Variants in NID1 observed in about 807,000 individuals in gnomAD.
NID1 encodes the protein nidogen-1.
A neutral mutation model predicts 130.6 loss-of-function variants in NID1; 76 were observed. The observed-to-expected ratio is 0.58, with a 90% confidence interval of 0.48 to 0.70. The LOEUF (loss-of-function observed/expected upper bound fraction) is 0.70, where lower values mean the gene tolerates loss of function less well. Ranked by LOEUF, NID1 falls within the 30% of genes least tolerant of loss-of-function variation. The probability of loss-of-function intolerance (pLI) is 0.00; values close to 1 mark genes in which losing one functional copy is unlikely to be tolerated. For synonymous variants in NID1, 665 were observed against 675.1 expected (o/e 0.98, Z 0.23); for missense variants, 1,517 against 1,664.8 (o/e 0.91, Z 1.54).
intron 1 of NID1, among the ~76,000 whole-genome samples, chr1:236,058,164 G>T (rs545903079): frequency 1.2e-4 from 19 of 152,260 alleles, no homozygotes; most frequent in African/African-American, 3.6e-4. Flanking sequence ...GCATTAAGGA[G>T]TAAAAACTTG....
chr1:235,983,050 T>G (rs1295857703), intron 15 of NID1, among the ~76,000 whole-genome samples: 1 of 152,170 alleles, frequency 6.6e-6, no homozygotes, highest in Admixed American at 6.5e-5. Context: ...AATTTTTGTA[T>G]TTTTAGTAGA....
chr1:236,000,769 T>G (rs544464346), intron 12 of NID1, among the ~76,000 whole-genome samples: 1 of 152,346 alleles, frequency 6.6e-6, no homozygotes, highest in East Asian at 1.9e-4. Flanking sequence ...TTCCCTTGCT[T>G]GATTAAATTG....
At chr1:236,007,246 G>A (rs1161449729) in intron 12 of NID1, among the ~76,000 whole-genome samples, 1 of 152,102 alleles carries the variant, frequency 6.6e-6, no homozygotes, top group African/African-American at 2.4e-5. Flanking sequence ...GTTGTCCAGG[G>A]TGTTCTTAAA....
chr1:235,980,790 G>A (rs1236680893), intron 16 of NID1, 137 bp from the exon 17 acceptor site: 4 of 962,306 alleles, frequency 4.2e-6, no homozygotes, highest in Non-Finnish European at 6.0e-6. Context: ...AGGATCGAGA[G>A]GTGATAAAAC....
At chr1:236,037,609 G>A (rs1197430044) in intron 5 of NID1, among the ~76,000 whole-genome samples, 1 of 151,696 alleles carries the variant, frequency 6.6e-6, no homozygotes, top group African/African-American at 2.4e-5. Flanking sequence ...AGTGAGCCAA[G>A]GTCACACCAC....
At position 236,045,409 on chromosome 1, in the gene NID1, T is replaced by G. The variant is rs773434241; in HGVS notation, c.752+48A>C. 100 of 1,335,714 alleles carry G rather than the reference T, an allele frequency of 7.5e-5. 1 individual carries two copies. In the Admixed American group the frequency reaches 1.7e-3, roughly 22 times the overall value. 82.7% of individuals were successfully genotyped at this position (1,335,714 alleles called of 1,614,324 possible). ...TATAATACACATTACATTATCCACA[T>G]TAAAAAATATTAAGAGGAGAATCTA... On this transcript the variant is annotated intron_variant, in intron 3 of 19. Coordinates refer to ENST00000264187, the MANE Select transcript of NID1 (RefSeq NM_002508.3).
chr1:236,038,433 G>A (rs1463353896), intron 4 of NID1, among the ~76,000 whole-genome samples, 180 bp from the exon 5 acceptor site: 4 of 152,136 alleles, frequency 2.6e-5, no homozygotes, highest in South Asian at 2.1e-4. Flanking sequence ...ATAGTTACGT[G>A]AGCCTGGGCA....
rs1659804703 is a variant in NID1 at position 236,052,965 on chromosome 1, ACACCAATAAATTATG to A, written c.226-3991_226-3977del. 2.6e-5 allele frequency among the ~76,000 whole-genome samples: 4 copies of A among 152,398 alleles called. No homozygotes were observed. The South Asian group carries it at 8.3e-4, about 32-fold the overall frequency. On this transcript the variant is annotated intron_variant, in intron 1 of 19. Transcript: ENST00000264187. ...GAAAATGTATCAAGTACGAGTAATC[ACACCAATAAATTATG>A]CACCAATGAATTATACACCAACAAA...
intron 19 of NID1, among the ~76,000 whole-genome samples, chr1:235,978,653 T>C (rs1295418556): frequency 1.3e-5 from 2 of 152,212 alleles, no homozygotes; most frequent in Non-Finnish European, 2.9e-5. Flanking sequence ...ATTCTTATTA[T>C]TAATTATTGT....
chr1:236,031,593 G>A (rs1558440240), intron 6 of NID1, among the ~76,000 whole-genome samples: 2 of 152,216 alleles, frequency 1.3e-5, no homozygotes, highest in Admixed American at 6.5e-5. Context: ...CAGGCAGTGG[G>A]GGAGAAGGCA....
In NID1 at chr1:236,061,461, C is replaced by CT. The variant is rs201477781; in HGVS notation, c.225+3393dup. On this transcript the variant is annotated intron_variant, in intron 1 of 19. Coordinates refer to ENST00000264187, the MANE Select transcript of NID1 (RefSeq NM_002508.3). ...AGCTTCGTTTATGAAGGATTCTTCT[C>CT]TTTTTTTTGTTTTTTTTGAGACAAA... 4.2e-4 allele frequency among the ~76,000 whole-genome samples: 64 copies of CT among 151,946 alleles called. No homozygotes were observed. The East Asian group carries it at 0.01, about 24-fold the overall frequency.
At chr1:235,988,209 G>A (rs560596626) in intron 14 of NID1, among the ~76,000 whole-genome samples, 3 of 152,166 alleles carry the variant, frequency 2.0e-5, no homozygotes, top group East Asian at 1.9e-4. Context: ...CAAAAGAACT[G>A]ATCAAAAAAT....
chr1:236,017,337 T>C, intron 9 of NID1, 64 bp from the exon 10 acceptor site: 1 of 1,554,264 alleles, frequency 6.4e-7, no homozygotes, highest in Non-Finnish European at 8.8e-7. Context: ...TTACTGACTA[T>C]AATAAAATAG....
intron 12 of NID1, among the ~76,000 whole-genome samples, chr1:235,994,326 G>C (rs1657859996): frequency 6.6e-6 from 1 of 151,936 alleles, no homozygotes; most frequent in Admixed American, 6.5e-5. Context: ...CCAAGCCCAG[G>C]TAATTTTGTA....
At chr1:236,049,822 G>A (rs959647914) in intron 1 of NID1, among the ~76,000 whole-genome samples, 6 of 151,632 alleles carry the variant, frequency 4.0e-5, no homozygotes, top group Non-Finnish European at 5.9e-5. Context: ...GGCAGATCGC[G>A]AGGTCAGGAG....
rs780693605 is a variant in NID1 at position 235,980,585 on chromosome 1, T to A, written c.3296A>T (p.Asn1099Ile). 6.2e-7 allele frequency: 1 copy of A among 1,614,244 alleles called. No individual in the cohort carries two copies. Among genetic ancestry groups the A allele is most frequent in the East Asian group, 2.2e-5 (1 of 44,886 alleles). ...KIETSYMDGT[N>I]RRILVQDDLG... Reference sequence around the variant, plus strand: ...GTCATCCTGCACAAGGATCCTCCGGTTCGTGCCGTCCATGTAGGAAGTTTC... The same window carrying A: ...GTCATCCTGCACAAGGATCCTCCGGATCGTGCCGTCCATGTAGGAAGTTTC... Residue 1099 changes from asparagine to isoleucine, a missense_variant, in exon 17 of 20, where the codon AAC becomes ATC. Asn to Ile is a moderately radical substitution (Grantham distance 149, BLOSUM62 -3). This residue lies in a region of NID1 where 181 missense variants were observed against 211.3 expected (regional missense o/e 0.86). Coordinates refer to ENST00000264187, the MANE Select transcript of NID1 (RefSeq NM_002508.3).
rs1659464107 is a variant in NID1, at chr1:236,041,943, T to C, written c.1102A>G (p.Ile368Val). ...ETFHQQHPQV[I>V]DVDEVEETGV... ...GTTTCCTCAACTTCATCCACATCTATGACCTGAGGGTGCTGCTGGTGAAAA... is the reference window on the plus strand; with the variant it reads ...GTTTCCTCAACTTCATCCACATCTACGACCTGAGGGTGCTGCTGGTGAAAA... The change falls in exon 4 of 20, where the codon ATA becomes GTA. Residue 368 changes from isoleucine (I) to valine (V), a missense_variant. Physicochemically the swap from Ile to Val is conservative, Grantham distance 29. Around this residue, in one of 3 missense-constraint regions of NID1, gnomAD observed 1,329 missense variants for 1,429.2 expected, o/e 0.93. Coordinates refer to ENST00000264187, the MANE Select transcript of NID1 (RefSeq NM_002508.3). The C allele has an allele frequency of 1.2e-5, 20 of 1,613,602 alleles. No homozygotes were observed. Among genetic ancestry groups the C allele is most frequent in the Non-Finnish European group, 1.7e-5 (20 of 1,179,754 alleles).
chr1:235,985,992 C>T (rs768169719), intron 14 of NID1, among the ~76,000 whole-genome samples: 13 of 152,092 alleles, frequency 8.5e-5, no homozygotes, highest in Non-Finnish European at 1.3e-4. Context: ...AAACTCCTGG[C>T]TCAAGCAAGC....
intron 2 of NID1, among the ~76,000 whole-genome samples, chr1:236,048,214 A>C (rs1659665436): frequency 2.0e-5 from 3 of 151,728 alleles, no homozygotes; most frequent in Non-Finnish European, 4.4e-5. Flanking sequence ...GGTCGCCTGT[A>C]GTCCCAGCTA....
Sources: allele counts gnomAD v4.1 joint callset (sites outside exome capture counted in the v4.1 genomes callset), GRCh38; gene constraint gnomAD v4.1.1; regional missense constraint gnomAD v4.1.1; transcripts MANE v1.5; gene names NCBI Gene and HGNC (gene_info 2026-07-23, HGNC 2026-07-21).